The following FAF1 variants were observed in gnomAD, a reference collection of about 807,000 sequenced individuals.
FAF1 encodes the protein Fas associated factor 1.
Under a neutral mutation model 92.5 loss-of-function variants are expected in FAF1, and 25 were observed. The ratio of observed to expected loss-of-function variants is 0.27; its 90% CI spans 0.20 to 0.38. The LOEUF (loss-of-function observed/expected upper bound fraction) is 0.38. Ranked by LOEUF, FAF1 falls within the 10% of genes least tolerant of loss-of-function variation. The pLI is 1.00. For missense variants in FAF1, 636 were observed against 793.3 expected (o/e 0.80, Z 2.38); for synonymous variants, 234 against 273.2 (o/e 0.86, Z 1.42).
chr1:50,803,250 CT>C (rs1300854605), intron 2 of FAF1, among the ~76,000 whole-genome samples: 1 of 152,092 alleles, frequency 6.6e-6, no homozygotes, highest in Non-Finnish European at 1.5e-5. Flanking sequence ...CTCTGTGGTG[CT>C]GGAAAAGAAA....
At chr1:50,721,251 G>T (rs1390077419) in intron 6 of FAF1, among the ~76,000 whole-genome samples, 1 of 151,654 alleles carries the variant, frequency 6.6e-6, no homozygotes, top group Non-Finnish European at 1.5e-5. Context: ...GGAGATAAGT[G>T]AGACGAGTCT....
chr1:50,465,221 T>C (rs1460238202), intron 18 of FAF1, among the ~76,000 whole-genome samples: 2 of 152,230 alleles, frequency 1.3e-5, no homozygotes, highest in Non-Finnish European at 2.9e-5. Flanking sequence ...GGAGATAATA[T>C]CTGCCTGGTA....
At chr1:50,618,415 T>G (rs985832583) in intron 8 of FAF1, among the ~76,000 whole-genome samples, 6 of 39,180 alleles carry the variant, frequency 1.5e-4, no homozygotes, top group African/African-American at 1.8e-4. Context: ...GTTTTTAGAG[T>G]TTTTTTTTTT....
intron 4 of FAF1, among the ~76,000 whole-genome samples, chr1:50,760,940 G>C (rs1027827037): frequency 1.3e-5 from 2 of 151,958 alleles, no homozygotes; most frequent in Admixed American, 6.6e-5. Context: ...TAGACCGCTA[G>C]CAAGACTAAT....
chr1:50,691,857 T>C (rs1482335585), intron 7 of FAF1, among the ~76,000 whole-genome samples: 3 of 152,208 alleles, frequency 2.0e-5, no homozygotes, highest in Non-Finnish European at 4.4e-5. Flanking sequence ...AATAATTGTG[T>C]ATATTTATGG....
chr1:50,546,599 T>C (rs1468219373), intron 13 of FAF1, among the ~76,000 whole-genome samples: 1 of 152,010 alleles, frequency 6.6e-6, no homozygotes, highest in Non-Finnish European at 1.5e-5. Context: ...CTCCTGGCCT[T>C]GTGATCCTCC....
At chr1:50,909,915 C>T (rs369568153) in intron 1 of FAF1, among the ~76,000 whole-genome samples, 7 of 152,276 alleles carry the variant, frequency 4.6e-5, no homozygotes, top group East Asian at 1.9e-4. Context: ...AGCTTTGTTC[C>T]GTTGCTGGTG....
chr1:50,525,012 A>G (rs1436137108), intron 15 of FAF1, among the ~76,000 whole-genome samples: 1 of 152,022 alleles, frequency 6.6e-6, no homozygotes, highest in Non-Finnish European at 1.5e-5. Context: ...CAGCCTCCCA[A>G]GTAGCTGGGA....
chr1:50,650,595 G>A lies in FAF1; in HGVS notation c.744+4847C>T, dbSNP rs187532702. Among the ~76,000 whole-genome samples the A allele has an allele frequency of 8.0e-4, 122 of 152,134 alleles. No homozygotes were observed. The East Asian group carries it at 0.021, about 26-fold the overall frequency. Reference sequence around the variant, plus strand: ...AGATCTCACCACCGCACTCCACCCTGGGTGACAGAGCAAGACTGTCTCAAA... The same window carrying A: ...AGATCTCACCACCGCACTCCACCCTAGGTGACAGAGCAAGACTGTCTCAAA... On this transcript the variant is annotated intron_variant, in intron 8 of 18. Transcript: ENST00000396153.
At chr1:50,677,749 C>G (rs1396941891) in intron 7 of FAF1, among the ~76,000 whole-genome samples, 1 of 151,802 alleles carries the variant, frequency 6.6e-6, no homozygotes, top group Non-Finnish European at 1.5e-5. Flanking sequence ...ACAAAATTAG[C>G]TGGGCATGGT....
chr1:50,457,100 A>T (rs1646361750), intron 18 of FAF1, among the ~76,000 whole-genome samples: 1 of 151,972 alleles, frequency 6.6e-6, no homozygotes, highest in Non-Finnish European at 1.5e-5. Context: ...ATGCATGAGG[A>T]AGGCTTGTTC....
chr1:50,809,067 T>G (rs1448329700), intron 2 of FAF1, among the ~76,000 whole-genome samples: 1 of 152,064 alleles, frequency 6.6e-6, no homozygotes, highest in Admixed American at 6.5e-5. Flanking sequence ...ACTGACATTA[T>G]TAGACAGATC....
At chr1:50,460,929 T>G (rs971052549) in intron 18 of FAF1, among the ~76,000 whole-genome samples, 1 of 152,148 alleles carries the variant, frequency 6.6e-6, no homozygotes, top group South Asian at 2.1e-4. Context: ...CTAGGATTAC[T>G]GGTGTGAGCC....
chr1:50,630,335 A>G (rs1314606218), intron 8 of FAF1, among the ~76,000 whole-genome samples: 2 of 152,202 alleles, frequency 1.3e-5, no homozygotes, highest in Non-Finnish European at 2.9e-5. Context: ...GTCATACTGT[A>G]AAAGGCTAAT....
intron 1 of FAF1, among the ~76,000 whole-genome samples, chr1:50,922,175 A>T (rs2124733772): frequency 6.6e-6 from 1 of 151,388 alleles, no homozygotes; most frequent in South Asian, 2.1e-4. Flanking sequence ...TCAAAAAAAA[A>T]AGGCCAGGCG....
intron 1 of FAF1, among the ~76,000 whole-genome samples, chr1:50,902,939 C>T (rs566249536): frequency 6.6e-6 from 1 of 152,222 alleles, no homozygotes; most frequent in South Asian, 2.1e-4. Context: ...GAGTTTCAGT[C>T]AAATCACAGC....
chr1:50,593,636 G>T (rs909067828), intron 9 of FAF1, among the ~76,000 whole-genome samples: 9 of 152,072 alleles, frequency 5.9e-5, no homozygotes, highest in South Asian at 2.1e-4. Context: ...TCTTGAAAAG[G>T]AATAAACATT....
chr1:50,462,447 G>C (rs957386906), intron 18 of FAF1: 1 of 152,038 alleles, frequency 6.6e-6, no homozygotes, highest in Admixed American at 6.6e-5. Flanking sequence ...ACTGAGGAGA[G>C]GTAATATTAA....
chr1:50,474,309 C>G (rs1458615548), intron 18 of FAF1, among the ~76,000 whole-genome samples: 2 of 152,200 alleles, frequency 1.3e-5, no homozygotes, highest in Admixed American at 1.3e-4. Context: ...TGATTTCCAG[C>G]TCCCTCACCT....
Sources: gnomAD v4.1 joint callset for allele counts (sites outside exome capture counted in the v4.1 genomes callset) on GRCh38, gnomAD v4.1.1 for gene constraint, MANE v1.5 for transcripts, NCBI Gene and HGNC (gene_info 2026-07-23, HGNC 2026-07-21) for gene names.